AUTS2: variants seen among roughly 807,000 people sequenced by gnomAD.
The protein encoded by AUTS2 is activator of transcription and developmental regulator AUTS2.
A neutral mutation model predicts 112.4 loss-of-function variants in AUTS2; 17 were observed. The observed-to-expected ratio is 0.15, with a 90% CI of 0.10 to 0.23. The LOEUF is 0.23. Ranked by LOEUF, AUTS2 falls within the 10% of genes least tolerant of loss-of-function variation. The pLI is 1.00. For synonymous variants in AUTS2, 751 were observed against 702.7 expected (o/e 1.07, Z -1.09); for missense variants, 1,510 against 1,701.6 (o/e 0.89, Z 1.98).
At position 69,818,609 on chromosome 7, in the gene AUTS2, T is replaced by C. The variant is rs554651392; in HGVS notation, c.310-80677T>C. 2.6e-5 allele frequency among the ~76,000 whole-genome samples: 4 copies of C among 152,330 alleles called. No individual in the cohort carries two copies. The East Asian group carries it at 7.7e-4, about 29-fold the overall frequency. On this transcript the variant is annotated intron_variant, in intron 1 of 18. Coordinates refer to ENST00000342771, the MANE Select transcript of AUTS2 (RefSeq NM_015570.4). ...GGAGATTACCAGATACATTGGACTA[T>C]TGTTTGTCTATAATTGTATTCAGAA...
intron 16 of AUTS2, 70 bp from the exon 17 acceptor site, chr7:70,785,884 TC>T: frequency 6.8e-7 from 1 of 1,462,040 alleles, no homozygotes; most frequent in Non-Finnish European, 9.6e-7. Context: ...ATCGCCCTGC[TC>T]CCAGGAAGCT....
chr7:69,782,505 C>G (rs1209753144), intron 1 of AUTS2, among the ~76,000 whole-genome samples: 1 of 151,948 alleles, frequency 6.6e-6, no homozygotes, highest in Non-Finnish European at 1.5e-5. Flanking sequence ...TTATTTGTAG[C>G]TACAGTCAAT....
chr7:70,038,404 T>C (rs947751198), intron 2 of AUTS2, among the ~76,000 whole-genome samples: 2 of 152,308 alleles, frequency 1.3e-5, no homozygotes, highest in Non-Finnish European at 2.9e-5. Context: ...GTTTCAAAAC[T>C]GGATCTCTTG....
At chr7:70,332,729 A>C (rs1790813331) in intron 4 of AUTS2, among the ~76,000 whole-genome samples, 1 of 152,206 alleles carries the variant, frequency 6.6e-6, no homozygotes, top group South Asian at 2.1e-4. Flanking sequence ...TTCCCTACTT[A>C]ATAAATGGTG....
At chr7:70,728,354 G>T (rs184022373) in intron 6 of AUTS2, among the ~76,000 whole-genome samples, 1 of 152,056 alleles carries the variant, frequency 6.6e-6, no homozygotes, top group African/African-American at 2.4e-5. Context: ...GCATTATCTG[G>T]TTGGAAAACT....
At chr7:69,680,724 C>T (rs965989121) in intron 1 of AUTS2, among the ~76,000 whole-genome samples, 1 of 152,084 alleles carries the variant, frequency 6.6e-6, no homozygotes, top group Non-Finnish European at 1.5e-5. Flanking sequence ...GGCTGGAGTG[C>T]AGTGGTATGG....
chr7:70,617,763 AC>A (rs1804454856), intron 5 of AUTS2, among the ~76,000 whole-genome samples: 1 of 152,206 alleles, frequency 6.6e-6, no homozygotes, highest in South Asian at 2.1e-4. Flanking sequence ...CTTGTAAGCT[AC>A]TAGAACTTTG....
chr7:70,059,897 A>C (rs1171490046), intron 2 of AUTS2, among the ~76,000 whole-genome samples: 1 of 152,232 alleles, frequency 6.6e-6, no homozygotes. Flanking sequence ...GACCTTGCCT[A>C]GTTCCAAATA....
At chr7:70,240,915 G>C (rs1812576747) in intron 4 of AUTS2, among the ~76,000 whole-genome samples, 1 of 152,166 alleles carries the variant, frequency 6.6e-6, no homozygotes, top group Non-Finnish European at 1.5e-5. Context: ...CTCCAGGACT[G>C]TATCCACTTC....
chr7:70,336,983 T>C (rs1791018467), intron 4 of AUTS2, among the ~76,000 whole-genome samples: 1 of 152,192 alleles, frequency 6.6e-6, no homozygotes, highest in African/African-American at 2.4e-5. Flanking sequence ...ACCTCTTTCA[T>C]TGACTGTGGT....
chr7:70,639,177 C>G (rs1450027904), intron 5 of AUTS2, among the ~76,000 whole-genome samples: 1 of 152,206 alleles, frequency 6.6e-6, no homozygotes, highest in East Asian at 1.9e-4. Context: ...GCCGCCACCA[C>G]CACACCAAAA....
chr7:70,770,514 A>G (rs1332900475), intron 10 of AUTS2, among the ~76,000 whole-genome samples: 4 of 152,248 alleles, frequency 2.6e-5, no homozygotes, highest in African/African-American at 9.6e-5. Flanking sequence ...ATAAATGGAA[A>G]CAAACCAATA....
intron 4 of AUTS2, among the ~76,000 whole-genome samples, chr7:70,158,152 G>A (rs529781429): frequency 6.6e-6 from 1 of 152,156 alleles, no homozygotes; most frequent in East Asian, 1.9e-4. Context: ...GAAATTACAG[G>A]AATGAGGATA....
intron 4 of AUTS2, among the ~76,000 whole-genome samples, chr7:70,331,047 A>G (rs996822796): frequency 6.6e-6 from 1 of 152,052 alleles, no homozygotes; most frequent in African/African-American, 2.4e-5. Flanking sequence ...TGGTATCAGG[A>G]TGATGCTGGC....
intron 2 of AUTS2, among the ~76,000 whole-genome samples, chr7:70,061,508 T>A (rs989335012): frequency 1.4e-4 from 21 of 152,160 alleles, no homozygotes; most frequent in Non-Finnish European, 2.6e-4. Flanking sequence ...ATGACCACAA[T>A]AAATAAAGCA....
chr7:70,352,787 G>C (rs1223519849), intron 4 of AUTS2, among the ~76,000 whole-genome samples: 2 of 152,220 alleles, frequency 1.3e-5, no homozygotes, highest in East Asian at 3.8e-4. Flanking sequence ...GGCTGAGGTA[G>C]AGAATAATGG....
chr7:70,656,721 T>C lies in AUTS2; in HGVS notation c.691-41848T>C, dbSNP rs966831818. Among the ~76,000 whole-genome samples the C allele has an allele frequency of 5.8e-4, 88 of 152,192 alleles. 1 individual carries two copies. Among genetic ancestry groups the C allele is most frequent in the Admixed American group, 2.0e-4 (3 of 15,276 alleles). On this transcript the variant is annotated intron_variant, in intron 5 of 18. Coordinates refer to ENST00000342771, the MANE Select transcript of AUTS2 (RefSeq NM_015570.4). ...GAGACACTGTCCTGTTTCTAGCACTTAAGTTCCAGTGTCTATGGCAGCATG... is the reference window on the plus strand; with the variant it reads ...GAGACACTGTCCTGTTTCTAGCACTCAAGTTCCAGTGTCTATGGCAGCATG...
intron 3 of AUTS2, 170 bp downstream of exon 3, chr7:70,118,403 A>G: frequency 1.3e-6 from 1 of 773,944 alleles, no homozygotes; most frequent in Non-Finnish European, 1.8e-6. Context: ...TGAGCATTGT[A>G]GTTATGGTGT....
intron 1 of AUTS2, among the ~76,000 whole-genome samples, chr7:69,637,846 T>C (rs1169627247): frequency 6.6e-6 from 1 of 152,190 alleles, no homozygotes; most frequent in Non-Finnish European, 1.5e-5. Flanking sequence ...TGGTCTATCA[T>C]TGACTGAACA....
Sources: allele counts gnomAD v4.1 joint callset (sites outside exome capture counted in the v4.1 genomes callset), GRCh38; gene constraint gnomAD v4.1.1; transcripts MANE v1.5; gene names NCBI Gene and HGNC (gene_info 2026-07-23, HGNC 2026-07-21).